The following PRAG1 variants were observed in gnomAD, a reference collection of about 807,000 sequenced individuals.
PRAG1 encodes inactive tyrosine-protein kinase PRAG1.
PRAG1 carries 110 observed loss-of-function variants against 95.6 expected under a neutral mutation model. That is an observed-to-expected ratio of 1.15 (90% CI 0.99 to 1.35). The LOEUF is 1.35. Ranked by LOEUF, PRAG1 falls within the 40% of genes most tolerant of loss-of-function variation. The pLI is 0.00. For synonymous variants in PRAG1, 1,052 were observed against 819.4 expected (o/e 1.28, Z -4.85); for missense variants, 2,554 against 1,864.7 (o/e 1.37, Z -6.81).
Position 8,384,621 on chromosome 8 carries a change from A to C in PRAG1, c.-88+1700T>G, listed in dbSNP as rs1041258492. ...ACCGCATGCAGCCAAAAAAAAAAAA[A>C]AAAAAAAAAAACCTCTTTTCCCGTT... is the stretch of plus-strand genomic sequence containing the variant. On this transcript the variant is annotated intron_variant, in intron 1 of 5. Transcript: ENST00000615670. Among the ~76,000 whole-genome samples, 232 of 151,894 alleles carry C rather than the reference A, an allele frequency of 1.5e-3. 1 individual carries two copies. Among genetic ancestry groups the C allele is most frequent in the Non-Finnish European group, 2.6e-3 (175 of 67,958 alleles).
intron 3 of PRAG1, among the ~76,000 whole-genome samples, chr8:8,346,658 G>T (rs1297165051): frequency 1.3e-5 from 2 of 152,214 alleles, no homozygotes; most frequent in Admixed American, 1.3e-4. Flanking sequence ...GAAGCTTTCA[G>T]AATGAGAGCT....
At position 8,381,663 on chromosome 8, in the gene PRAG1, AC is replaced by A; in HGVS notation, c.84del (p.Ser29ProfsTer46). On this transcript the variant is annotated frameshift_variant, in exon 2 of 6. Coordinates refer to ENST00000615670, the MANE Select transcript of PRAG1 (RefSeq NM_001080826.3). LOFTEE classifies it high-confidence loss of function. ...SDFVEHIWKP[G>X]SCKNCFCLRS... ...CGCAGGCAGAAGCAGTTCTTGCAGG[AC>A]CCGGGTTTCCAGATGTGCTCCACAA... 3.1e-6 allele frequency: 5 copies of A among 1,613,438 alleles called. No homozygotes were observed. Among genetic ancestry groups the A allele is most frequent in the Non-Finnish European group, 4.2e-6 (5 of 1,179,674 alleles).
chr8:8,348,136 C>T (rs547389568), intron 3 of PRAG1, among the ~76,000 whole-genome samples: 2 of 152,294 alleles, frequency 1.3e-5, no homozygotes, highest in South Asian at 2.1e-4. Flanking sequence ...AGGCTGGTCC[C>T]GAACTCCTGA....
At chr8:8,374,942 G>A (rs570426821) in intron 3 of PRAG1, among the ~76,000 whole-genome samples, 1 of 152,176 alleles carries the variant, frequency 6.6e-6, no homozygotes, top group South Asian at 2.1e-4. Context: ...GACATGACTC[G>A]AGAAAGTCTG....
chr8:8,335,984 C>T (rs1273521984), intron 4 of PRAG1, among the ~76,000 whole-genome samples: 1 of 152,144 alleles, frequency 6.6e-6, no homozygotes, highest in Non-Finnish European at 1.5e-5. Context: ...TTGAGAAAAA[C>T]AAGCTGACTG....
At chr8:8,370,527 C>T (rs1269507688) in intron 3 of PRAG1, among the ~76,000 whole-genome samples, 1 of 152,218 alleles carries the variant, frequency 6.6e-6, no homozygotes, top group African/African-American at 2.4e-5. Context: ...CCAGAAAAGG[C>T]CGTTATGCAT....
intron 1 of PRAG1, among the ~76,000 whole-genome samples, chr8:8,383,473 TG>T (rs2116955198): frequency 6.6e-6 from 1 of 151,994 alleles, no homozygotes; most frequent in Non-Finnish European, 1.5e-5. Context: ...CCCAGCTACT[TG>T]GGAGGCTGAG....
chr8:8,362,304 G>T (rs559600518), intron 3 of PRAG1, among the ~76,000 whole-genome samples: 1 of 152,158 alleles, frequency 6.6e-6, no homozygotes, highest in East Asian at 1.9e-4. Flanking sequence ...AAGCAACACC[G>T]CATGGCTTGA....
chr8:8,350,895 AATGGATGGATGGATGGATGG>A (rs61665217), intron 3 of PRAG1, among the ~76,000 whole-genome samples: 7 of 149,568 alleles, frequency 4.7e-5, no homozygotes, highest in South Asian at 4.3e-4. Flanking sequence ...GTGCTCGTTA[AATGGATGGATGGATGGATGG>A]ATGGATGGAT....
rs1272691445 is a variant in PRAG1, at chr8:8,317,832, G to A, written c.*322C>T. On this transcript the variant is annotated 3_prime_UTR_variant, in exon 6 of 6. Transcript: ENST00000615670. ...AAAAGGGTGAAGAAATCCTAAACAAGGTATTGAGGCCAGTGTCCAGGCTGC... is the reference window on the plus strand; with the variant it reads ...AAAAGGGTGAAGAAATCCTAAACAAAGTATTGAGGCCAGTGTCCAGGCTGC... 1 of 198,096 alleles carries A rather than the reference G, an allele frequency of 5.0e-6. No individual in the cohort carries two copies. Among genetic ancestry groups the A allele is most frequent in the African/African-American group, 2.3e-5 (1 of 42,788 alleles). 12.3% of individuals were successfully genotyped at this position (198,096 alleles called of 1,614,324 possible).
At chr8:8,373,454 A>ATTTTTTTTTTTTTTTTTTT (rs796490286) in intron 3 of PRAG1, among the ~76,000 whole-genome samples, 1 of 138,342 alleles carries the variant, frequency 7.2e-6, no homozygotes, top group Non-Finnish European at 1.6e-5. Flanking sequence ...TATTTTCTAG[A>ATTTTTTTTTTTTTTTTTTT]TTTTTTTTTT....
chr8:8,378,833 C>G (rs1585281244), intron 2 of PRAG1, among the ~76,000 whole-genome samples: 1 of 150,508 alleles, frequency 6.6e-6, no homozygotes, highest in South Asian at 2.1e-4. Flanking sequence ...ACACTCCAGC[C>G]TGGGCGACAA....
rs1290420013 is a variant in PRAG1 at position 8,377,830 on chromosome 8, G to C, written c.579C>G (p.Pro193=). The change falls in exon 3 of 6, where the codon CCC becomes CCG. Residue 193 remains proline, a synonymous_variant. Coordinates refer to ENST00000615670, the MANE Select transcript of PRAG1 (RefSeq NM_001080826.3). ...AGGGCCGGTCTTGGTAAGGAAATGA[G>C]GGTTTTTCTTTGTGCACAGCCTTCT... ...PEEKAVHKEK[P]SFPYQDRPST... The C allele has an allele frequency of 2.5e-6, 4 of 1,614,014 alleles. No homozygotes were observed. Among genetic ancestry groups the C allele is most frequent in the Non-Finnish European group, 3.4e-6 (4 of 1,180,024 alleles).
At chr8:8,330,925 A>T (rs1798800191) in intron 4 of PRAG1, among the ~76,000 whole-genome samples, 1 of 152,236 alleles carries the variant, frequency 6.6e-6, no homozygotes, top group African/African-American at 2.4e-5. Flanking sequence ...TGTAAGCCTC[A>T]GTCACCAAAC....
At position 8,324,820 on chromosome 8, in the gene PRAG1, T is replaced by C. The variant is rs185378949; in HGVS notation, c.3072+2890A>G. On this transcript the variant is annotated intron_variant, in intron 5 of 5. Coordinates refer to ENST00000615670, the MANE Select transcript of PRAG1 (RefSeq NM_001080826.3). ...TTACCAAACTAGAATTCTGTCTAGA[T>C]GGCTGAGAAATGAAACTGCTTCGAA... Among the ~76,000 whole-genome samples, 47 of 152,300 alleles carry C rather than the reference T, an allele frequency of 3.1e-4. No homozygotes were observed. The East Asian group carries it at 4.8e-3, about 16-fold the overall frequency.
At chr8:8,328,556 G>A in intron 4 of PRAG1, 95 bp from the exon 5 acceptor site, 2 of 1,281,274 alleles carry the variant, frequency 1.6e-6, no homozygotes, top group Non-Finnish European at 2.1e-6. Context: ...TTATTTATTT[G>A]GTCAGAGCAA....
At position 8,318,528 on chromosome 8, in the gene PRAG1, G is replaced by A. The variant is rs1387501434; in HGVS notation, c.3847C>T (p.Arg1283Trp). The A allele has an allele frequency of 1.2e-6, 2 of 1,613,012 alleles. No individual in the cohort carries two copies. Among genetic ancestry groups the A allele is most frequent in the East Asian group, 4.5e-5 (2 of 44,844 alleles). ...VRAQLRERDY[R>W]QEDLPPLPAL... ...GGCAGCGGCGGCAGGTCCTCCTGCC[G>A]GTAGTCTCTCTCCCGCAGCTGGGCG... is the stretch of plus-strand genomic sequence containing the variant. The change falls in exon 6 of 6, where the codon CGG (arginine) becomes TGG (tryptophan). Residue 1283 changes from arginine to tryptophan, a missense_variant. Coordinates refer to ENST00000615670, the MANE Select transcript of PRAG1 (RefSeq NM_001080826.3). This position sits in a 1 kb window ranked among gnomAD's most constrained non-coding sequence, Gnocchi z 4.2.
intron 3 of PRAG1, among the ~76,000 whole-genome samples, chr8:8,354,466 C>G (rs990502499): frequency 6.6e-6 from 1 of 151,700 alleles, no homozygotes; most frequent in Non-Finnish European, 1.5e-5. Context: ...TGAAGCTTGA[C>G]AAAGATACCA....
chr8:8,364,245 T>C (rs967752505), intron 3 of PRAG1, among the ~76,000 whole-genome samples: 4 of 152,222 alleles, frequency 2.6e-5, no homozygotes, highest in Non-Finnish European at 4.4e-5. Flanking sequence ...TATTTTACTG[T>C]TTTATGCTTC....
Sources: gnomAD v4.1 joint callset for allele counts (sites outside exome capture counted in the v4.1 genomes callset) on GRCh38, gnomAD v4.1.1 for gene constraint, Gnocchi (gnomAD v3.1) non-coding constraint, MANE v1.5 for transcripts, NCBI Gene and HGNC (gene_info 2026-07-23, HGNC 2026-07-21) for gene names.